Variants in WDR72 observed in about 807,000 individuals in gnomAD.
The protein encoded by WDR72 is WD repeat domain 72.
A neutral mutation model predicts 124.2 loss-of-function variants in WDR72; 120 were observed. That is an observed-to-expected ratio of 0.97 (90% CI 0.83 to 1.12). The LOEUF is 1.12. WDR72 is among the 50% of genes most tolerant of loss of function. The pLI is 0.00. For synonymous variants in WDR72, 452 were observed against 441.7 expected, an observed-to-expected ratio of 1.02 and a Z score of -0.29; for missense variants, 1,387 against 1,278.8, an observed-to-expected ratio of 1.08 and a Z score of -1.29.
intron 18 of WDR72, among the ~76,000 whole-genome samples, chr15:53,587,613 G>C (rs530434811): frequency 6.6e-6 from 1 of 152,062 alleles, no homozygotes; most frequent in South Asian, 2.1e-4. Context: ...TTTCAAGGGA[G>C]CATTACAAAA....
intron 17 of WDR72, among the ~76,000 whole-genome samples, chr15:53,598,087 G>A (rs548351369): frequency 6.6e-6 from 1 of 152,136 alleles, no homozygotes; most frequent in African/African-American, 2.4e-5. Flanking sequence ...ATGAGGCAAG[G>A]TCTAGCAGTT....
At chr15:53,715,999 A>G (rs1337305052) in intron 4 of WDR72, among the ~76,000 whole-genome samples, 1 of 152,216 alleles carries the variant, frequency 6.6e-6, no homozygotes, top group Non-Finnish European at 1.5e-5. Flanking sequence ...CTCTCTGTGC[A>G]GGGTTTTATT....
intron 18 of WDR72, among the ~76,000 whole-genome samples, chr15:53,563,209 A>T (rs904487312): frequency 9.9e-5 from 15 of 151,776 alleles, no homozygotes; most frequent in African/African-American, 3.4e-4. Context: ...TGTTTACATG[A>T]ATCAGTTTCA....
chr15:53,613,592 G>C, intron 16 of WDR72, 74 bp downstream of exon 16: 3 of 961,092 alleles, frequency 3.1e-6, no homozygotes, highest in Non-Finnish European at 5.0e-6. Flanking sequence ...CTGCTAACCA[G>C]TTATAGAAAG....
chr15:53,650,376 C>T (rs896830976), intron 14 of WDR72, among the ~76,000 whole-genome samples: 2 of 152,130 alleles, frequency 1.3e-5, no homozygotes, highest in Non-Finnish European at 2.9e-5. Flanking sequence ...TCAGCAATAA[C>T]GTACTATACA....
chr15:53,531,020 G>A (rs1892427785), intron 18 of WDR72, among the ~76,000 whole-genome samples: 1 of 152,002 alleles, frequency 6.6e-6, no homozygotes, highest in Admixed American at 6.6e-5. Flanking sequence ...TCAAGTGTCA[G>A]AGCTCTTTCA....
intron 4 of WDR72, 103 bp from the exon 5 acceptor site, chr15:53,715,470 A>G (rs1272227227): frequency 5.8e-6 from 8 of 1,387,942 alleles, no homozygotes; most frequent in African/African-American, 2.9e-5. Context: ...CATATGATCA[A>G]TTAAGGTATT....
chr15:53,758,508 TA>T (rs1196189476), intron 1 of WDR72, among the ~76,000 whole-genome samples: 2 of 151,442 alleles, frequency 1.3e-5, no homozygotes, highest in Admixed American at 1.3e-4. Context: ...TTGAAGGAGT[TA>T]AAAAAAGACA....
intron 1 of WDR72, among the ~76,000 whole-genome samples, chr15:53,757,389 G>A (rs530298053): frequency 3.3e-5 from 5 of 152,234 alleles, no homozygotes; most frequent in South Asian, 4.1e-4. Context: ...TTGGGAGGCC[G>A]AGGCAGGTGG....
At chr15:53,563,632 G>A (rs904542629) in intron 18 of WDR72, among the ~76,000 whole-genome samples, 37 of 151,640 alleles carry the variant, frequency 2.4e-4, no homozygotes, top group African/African-American at 8.7e-4. Flanking sequence ...TTTGCTAAAT[G>A]ATTAATCTAG....
At chr15:53,593,415 C>T (rs902799013) in intron 18 of WDR72, among the ~76,000 whole-genome samples, 3 of 151,988 alleles carry the variant, frequency 2.0e-5, no homozygotes, top group Admixed American at 2.0e-4. Context: ...AGGCAAGACA[C>T]AAAACCTCTC....
rs771523870 is a variant in WDR72, at chr15:53,613,656, ACT to A, written c.2872+8_2872+9del. The stretch of plus-strand genomic sequence containing the variant: ...AAATCAGATCATATCTGTGCCAGTA[ACT>A]CTCTTACCATTTCGTAAGCAACTGT... On this transcript the variant is annotated splice_region_variant and intron_variant, in intron 16 of 19. Coordinates refer to ENST00000360509, the MANE Select transcript of WDR72 (RefSeq NM_182758.4). The A allele has an allele frequency of 1.3e-6, 2 of 1,591,278 alleles. No individual in the cohort carries two copies. Among genetic ancestry groups the A allele is most frequent in the South Asian group, 2.2e-5 (2 of 90,654 alleles).
chr15:53,640,182 C>T (rs1458092238), intron 14 of WDR72, among the ~76,000 whole-genome samples: 1 of 152,140 alleles, frequency 6.6e-6, no homozygotes, highest in African/African-American at 2.4e-5. Flanking sequence ...TCTGTGTGAC[C>T]AGAGGAATTC....
chr15:53,543,919 G>A (rs1000209150), intron 18 of WDR72, among the ~76,000 whole-genome samples: 14 of 152,092 alleles, frequency 9.2e-5, no homozygotes, highest in Non-Finnish European at 1.5e-4. Context: ...AGAAGAAATG[G>A]ATAAATTCCT....
intron 13 of WDR72, among the ~76,000 whole-genome samples, chr15:53,691,025 A>G (rs936070588): frequency 6.6e-6 from 1 of 152,088 alleles, no homozygotes; most frequent in African/African-American, 2.4e-5. Flanking sequence ...TTTCATTATA[A>G]CTTTGATTTG....
chr15:53,559,082 A>G lies in WDR72; in HGVS notation c.3149-35760T>C, dbSNP rs74017442. 8.6e-3 allele frequency among the ~76,000 whole-genome samples: 1,312 copies of G among 152,126 alleles called. 15 individuals are homozygous for G. The highest frequency in any genetic ancestry group is 0.031 in the African/African-American group (1,270 of 41,540). Reference sequence around the variant, plus strand: ...TCAAGCTTTTAGTTCACAGAAATATAGCCCAAAAGCAACGCCAACGTTAAA... The same window carrying G: ...TCAAGCTTTTAGTTCACAGAAATATGGCCCAAAAGCAACGCCAACGTTAAA... On this transcript the variant is annotated intron_variant, in intron 18 of 19. Transcript: ENST00000360509.
At chr15:53,561,067 A>G (rs767045663) in intron 18 of WDR72, among the ~76,000 whole-genome samples, 1 of 149,376 alleles carries the variant, frequency 6.7e-6, no homozygotes, top group Non-Finnish European at 1.5e-5. Flanking sequence ...TTGGCATTTT[A>G]GAGTTGTATT....
intron 18 of WDR72, among the ~76,000 whole-genome samples, chr15:53,571,153 G>A (rs183240690): frequency 2.0e-5 from 3 of 152,092 alleles, no homozygotes; most frequent in African/African-American, 7.2e-5. Flanking sequence ...GGGTGGTGGG[G>A]GAAAGAGGGG....
chr15:53,652,615 T>C (rs994550102), intron 14 of WDR72, among the ~76,000 whole-genome samples: 3 of 152,146 alleles, frequency 2.0e-5, no homozygotes, highest in Admixed American at 1.3e-4. Flanking sequence ...GGGGAGGGCT[T>C]AGTAAAGTAA....
Sources: allele counts gnomAD v4.1 joint callset (sites outside exome capture counted in the v4.1 genomes callset), GRCh38; gene constraint gnomAD v4.1.1; transcripts MANE v1.5; gene names NCBI Gene and HGNC (gene_info 2026-07-23, HGNC 2026-07-21).